The following DERA variants were observed in gnomAD, a reference collection of about 807,000 sequenced individuals.
The protein encoded by DERA is deoxyribose-phosphate aldolase, also known as 2-deoxy-D-ribose 5-phosphate aldolase.
DERA carries 15 observed loss-of-function variants against 41.1 expected under a neutral mutation model. The ratio of observed to expected loss-of-function variants is 0.37; its 90% CI spans 0.24 to 0.56. The LOEUF is 0.56. Ranked by LOEUF, DERA falls within the 20% of genes least tolerant of loss-of-function variation. DERA has a pLI of 0.81. For missense variants in DERA, 396 were observed against 403.4 expected, an observed-to-expected ratio of 0.98 and a Z score of 0.16; for synonymous variants, 139 against 137.4, an observed-to-expected ratio of 1.01 and a Z score of -0.08.
At chr12:15,932,214 G>T (rs1249678794) in intron 1 of DERA, among the ~76,000 whole-genome samples, 1 of 152,196 alleles carries the variant, frequency 6.6e-6, no homozygotes, top group Non-Finnish European at 1.5e-5. Context: ...GCATGAAAGA[G>T]AACTGATTTT....
In DERA at chr12:15,911,493, C is replaced by G. The variant is rs1204416320; in HGVS notation, c.31+79C>G. On this transcript the variant is annotated intron_variant, in intron 1 of 8. Coordinates refer to ENST00000428559, the MANE Select transcript of DERA (RefSeq NM_015954.4). This position sits in a 1 kb window ranked among gnomAD's most constrained non-coding sequence, Gnocchi z 4.5. ...GGACTAGCGCGGGGCCTGCTGCCGC[C>G]CAGTGCCCTGGCTGTGGGTCCCCGA... The G allele has an allele frequency of 7.5e-6, 10 of 1,329,802 alleles. No individual in the cohort carries two copies. The highest frequency in any genetic ancestry group is 2.0e-4 in the Middle Eastern group (1 of 5,030). 82.4% of individuals were successfully genotyped at this position (1,329,802 alleles called of 1,614,324 possible). A position where few individuals can be genotyped will look rare whatever the true frequency, so the allele number is the denominator to read the frequency against.
In DERA at chr12:15,972,637, CT is replaced by C; in HGVS notation, c.509-9670del. The C allele has an allele frequency of 5.6e-6, 1 of 179,892 alleles. No individual in the cohort carries two copies. 11.1% of individuals were successfully genotyped at this position (179,892 alleles called of 1,614,324 possible). On this transcript the variant is annotated intron_variant, in intron 5 of 8. Coordinates refer to ENST00000428559, the MANE Select transcript of DERA (RefSeq NM_015954.4). The surrounding 1 kb of genome is among the most constrained non-coding windows in gnomAD (Gnocchi z 4.4). ...CACGCATAGTGCAGAAGTCGGGGAC[CT>C]CCAGCGTGCACCCAGAGAGGGAACG...
chr12:15,985,276 G>A lies in DERA; in HGVS notation c.637+2840G>A, dbSNP rs891430818. The A allele has an allele frequency of 1.3e-5, 2 of 152,070 alleles. No individual in the cohort carries two copies. Among genetic ancestry groups the A allele is most frequent in the Non-Finnish European group, 2.9e-5 (2 of 68,020 alleles). 9.4% of individuals were successfully genotyped at this position (152,070 alleles called of 1,614,324 possible). A position where few individuals can be genotyped will look rare whatever the true frequency, so the allele number is the denominator to read the frequency against. On this transcript the variant is annotated intron_variant, in intron 6 of 8. Transcript: ENST00000428559. This position sits in a 1 kb window ranked among gnomAD's most constrained non-coding sequence, Gnocchi z 4.2. ...GGGTGCTTTGTTTTTGGTTTGTTTT[G>A]CCCTCACTAAAAATAAGAGATAAGA...
At position 15,982,528 on chromosome 12, in the gene DERA, T is replaced by C. The variant is rs1948739727; in HGVS notation, c.637+92T>C. ...GAAAGCATTTAGCTATTATTAAACG[T>C]GCTAACCACTTGGAATTTTTTTGCG... On this transcript the variant is annotated intron_variant, in intron 6 of 8. Transcript: ENST00000428559. This position sits in a 1 kb window ranked among gnomAD's most constrained non-coding sequence, Gnocchi z 4.0. 7.3e-7 allele frequency: 1 copy of C among 1,370,042 alleles called. No individual in the cohort carries two copies. Among genetic ancestry groups the C allele is most frequent in the African/African-American group, 1.5e-5 (1 of 68,476 alleles). The allele number at this position is 1,370,042 out of a possible 1,614,324, so 84.9% of individuals were successfully genotyped here.
intron 6 of DERA, among the ~76,000 whole-genome samples, chr12:15,991,370 CAT>C (rs1188769985): frequency 2.6e-5 from 4 of 152,006 alleles, no homozygotes; most frequent in African/African-American, 9.7e-5. Context: ...TTTTTGGATG[CAT>C]AGTTTGCAAA....
rs1325894080 is a variant in DERA, at chr12:15,994,488, C to T, written c.637+12052C>T. Among the ~76,000 whole-genome samples the T allele has an allele frequency of 6.6e-6, 1 of 152,214 alleles. No individual in the cohort carries two copies. The highest frequency in any genetic ancestry group is 6.5e-5 in the Admixed American group (1 of 15,284). ...CTTTTTTTTGAGACGGAGTCTCGTTCTGTCGCCCAGGCTGGAGTGCAGTGG... is the reference window on the plus strand; with the variant it reads ...CTTTTTTTTGAGACGGAGTCTCGTTTTGTCGCCCAGGCTGGAGTGCAGTGG... On this transcript the variant is annotated intron_variant, in intron 6 of 8. Coordinates refer to ENST00000428559, the MANE Select transcript of DERA (RefSeq NM_015954.4). The surrounding 1 kb of genome is among the most constrained non-coding windows in gnomAD (Gnocchi z 4.8).
In DERA at chr12:15,957,531, C is replaced by T. The variant is rs1392859418; in HGVS notation, c.129+498C>T. Among the ~76,000 whole-genome samples, 1 of 152,130 alleles carries T rather than the reference C, an allele frequency of 6.6e-6. No individual in the cohort carries two copies. Among genetic ancestry groups the T allele is most frequent in the East Asian group, 1.9e-4 (1 of 5,186 alleles). ...GAGTACTTGCGGTCAGCATTTTCTT[C>T]AGTGTATCCCAACCAAAGACGTGCT... On this transcript the variant is annotated intron_variant, in intron 2 of 8. Transcript: ENST00000428559. This position sits in a 1 kb window ranked among gnomAD's most constrained non-coding sequence, Gnocchi z 4.8.
chr12:16,025,697 C>T (rs1363765474), intron 6 of DERA, among the ~76,000 whole-genome samples: 1 of 152,078 alleles, frequency 6.6e-6, no homozygotes, highest in Non-Finnish European at 1.5e-5. Flanking sequence ...CACTGTCATT[C>T]AATATGATCA....
chr12:15,929,333 G>A lies in DERA; in HGVS notation c.31+17919G>A, dbSNP rs148969949. Among the ~76,000 whole-genome samples the A allele has an allele frequency of 3.3e-5, 5 of 152,364 alleles. No individual in the cohort carries two copies. The East Asian group carries it at 7.7e-4, about 23-fold the overall frequency. Reference sequence around the variant, plus strand: ...CCAGAGGAGAAATTGCAGAAAGAGAGCAGGTGCCGTGGGAAGCAGTGTTTT... The same window carrying A: ...CCAGAGGAGAAATTGCAGAAAGAGAACAGGTGCCGTGGGAAGCAGTGTTTT... On this transcript the variant is annotated intron_variant, in intron 1 of 8. Coordinates refer to ENST00000428559, the MANE Select transcript of DERA (RefSeq NM_015954.4).
rs1948358778 is a variant in DERA, at chr12:15,935,544, T to C, written c.32-21392T>C. Among the ~76,000 whole-genome samples the C allele has an allele frequency of 6.6e-6, 1 of 152,196 alleles. No individual in the cohort carries two copies. The highest frequency in any genetic ancestry group is 1.5e-5 in the Non-Finnish European group (1 of 68,038). On this transcript the variant is annotated intron_variant, in intron 1 of 8. Transcript: ENST00000428559. The surrounding 1 kb of genome is among the most constrained non-coding windows in gnomAD (Gnocchi z 4.8). ...AAAGAAATTTCATTGAGGTATAATA[T>C]ATGTTCAGTTTTCACATATCTGTAC...
chr12:15,926,069 C>T (rs546062204), intron 1 of DERA, among the ~76,000 whole-genome samples: 26 of 151,714 alleles, frequency 1.7e-4, no homozygotes, highest in African/African-American at 3.1e-4. Context: ...GTGATCCGCC[C>T]GCCTCAGCCT....
rs1464850092 is a variant in DERA at position 16,001,756 on chromosome 12, A to C, written c.637+19320A>C. ...GGGCGAGGTCATGAGTTAGGAGAAC[A>C]CTAAGACCGAATGCTCTGTCTCCTG... On this transcript the variant is annotated intron_variant, in intron 6 of 8. Coordinates refer to ENST00000428559, the MANE Select transcript of DERA (RefSeq NM_015954.4). This position sits in a 1 kb window ranked among gnomAD's most constrained non-coding sequence, Gnocchi z 4.1. Among the ~76,000 whole-genome samples, 1 of 152,222 alleles carries C rather than the reference A, an allele frequency of 6.6e-6. No homozygotes were observed. Among genetic ancestry groups the C allele is most frequent in the Non-Finnish European group, 1.5e-5 (1 of 68,034 alleles).
intron 6 of DERA, among the ~76,000 whole-genome samples, chr12:16,028,475 T>G (rs1478210466): frequency 6.6e-6 from 1 of 152,238 alleles, no homozygotes; most frequent in Non-Finnish European, 1.5e-5. Context: ...CAAGTAATTA[T>G]GTAGCCAAGC....
rs1565616143 is a variant in DERA, at chr12:16,020,350, A to G, written c.638-12192A>G. ...CTCATATTAACTCACTATTGCGAGA[A>G]CAGCACGAAAGGGGAAATCTACCCC... On this transcript the variant is annotated intron_variant, in intron 6 of 8. Transcript: ENST00000428559. The surrounding 1 kb of genome is among the most constrained non-coding windows in gnomAD (Gnocchi z 5.5). Among the ~76,000 whole-genome samples, 2 of 152,178 alleles carry G rather than the reference A, an allele frequency of 1.3e-5. No individual in the cohort carries two copies. The highest frequency in any genetic ancestry group is 2.9e-5 in the Non-Finnish European group (2 of 68,034).
Position 15,982,493 on chromosome 12 carries a change from TTAAG to T in DERA, c.637+63_637+66del. 2.7e-6 allele frequency: 4 copies of T among 1,504,598 alleles called. No individual in the cohort carries two copies. The highest frequency in any genetic ancestry group is 4.7e-5 in the East Asian group (2 of 42,568). The allele number at this position is 1,504,598 out of a possible 1,614,324, so 93.2% of individuals were successfully genotyped here. ...ATTGAATTGATGTTTTTAGGAGAAATTAAGTAAGTGAAAGCATTTAGCTATTATT... is the reference window on the plus strand; with the variant it reads ...ATTGAATTGATGTTTTTAGGAGAAATTAAGTGAAAGCATTTAGCTATTATT... On this transcript the variant is annotated intron_variant, in intron 6 of 8. Coordinates refer to ENST00000428559, the MANE Select transcript of DERA (RefSeq NM_015954.4). This position sits in a 1 kb window ranked among gnomAD's most constrained non-coding sequence, Gnocchi z 4.0.
chr12:15,949,297 G>C (rs1948477254), intron 1 of DERA, among the ~76,000 whole-genome samples: 1 of 152,200 alleles, frequency 6.6e-6, no homozygotes, highest in Admixed American at 6.5e-5. Flanking sequence ...GCCCCTGGAA[G>C]TGGAGTCTAC....
At chr12:15,925,508 T>C (rs1335608807) in intron 1 of DERA, among the ~76,000 whole-genome samples, 2 of 152,208 alleles carry the variant, frequency 1.3e-5, no homozygotes, top group East Asian at 1.9e-4. Flanking sequence ...TGTTTAAAAC[T>C]TGAACCATCT....
In DERA at chr12:15,931,574, A is replaced by T. The variant is rs1948328383; in HGVS notation, c.31+20160A>T. ...GAAAAACTACATGTTTGGAAATCTA[A>T]ATGTGCTTTATTAAGTCTTTTATGG... On this transcript the variant is annotated intron_variant, in intron 1 of 8. Transcript: ENST00000428559. The surrounding 1 kb of genome is among the most constrained non-coding windows in gnomAD (Gnocchi z 4.6). Among the ~76,000 whole-genome samples the T allele has an allele frequency of 6.6e-6, 1 of 152,198 alleles. No homozygotes were observed. The highest frequency in any genetic ancestry group is 2.4e-5 in the African/African-American group (1 of 41,442).
Position 15,958,208 on chromosome 12 carries a change from TG to T in DERA, c.151del (p.Val51LeufsTer4). Reference sequence around the variant, plus strand: ...ACCAGGCTGCTTGGCTCCTGAAAGCTGTTACCTTTATAGATCTTACTACACT... The same window carrying T: ...ACCAGGCTGCTTGGCTCCTGAAAGCTTTACCTTTATAGATCTTACTACACT... Reference protein sequence around the residue: ...EWQAAWLLKAVTFIDLTTLSG... With the variant: ...EWQAAWLLKAXTFIDLTTLSG... On this transcript the variant is annotated frameshift_variant, in exon 3 of 9. Transcript: ENST00000428559. LOFTEE classifies it high-confidence loss of function. 1 of 1,576,408 alleles carries T rather than the reference TG, an allele frequency of 6.3e-7. No homozygotes were observed. Among genetic ancestry groups the T allele is most frequent in the Non-Finnish European group, 8.6e-7 (1 of 1,161,810 alleles).
Sources: allele counts gnomAD v4.1 joint callset (sites outside exome capture counted in the v4.1 genomes callset), GRCh38; gene constraint gnomAD v4.1.1; non-coding constraint Gnocchi (gnomAD v3.1); transcripts MANE v1.5; gene names NCBI Gene and HGNC (gene_info 2026-07-23, HGNC 2026-07-21).